The following RSU1 variants were observed in gnomAD, a reference collection of about 807,000 sequenced individuals.
RSU1 encodes Ras suppressor protein 1.
RSU1 carries 26 observed loss-of-function variants against 31.1 expected under a neutral mutation model. The observed-to-expected ratio is 0.84, with a 90% confidence interval of 0.61 to 1.16. The LOEUF is 1.16. RSU1 is among the 50% of genes most tolerant of loss of function. RSU1 has a pLI of 0.00. For missense variants in RSU1, 320 were observed against 339.1 expected, an observed-to-expected ratio of 0.94 and a Z score of 0.44; for synonymous variants, 164 against 136.3, an observed-to-expected ratio of 1.20 and a Z score of -1.41.
intron 7 of RSU1, among the ~76,000 whole-genome samples, chr10:16,712,194 T>C (rs1261304932): frequency 2.6e-5 from 4 of 152,182 alleles, no homozygotes; most frequent in African/African-American, 9.6e-5. Context: ...GTTTTTCCAT[T>C]CCTTCACTTT....
At chr10:16,781,907 A>C in intron 3 of RSU1, 127 bp downstream of exon 3, 1 of 772,844 alleles carries the variant, frequency 1.3e-6, no homozygotes, top group East Asian at 2.5e-5. Flanking sequence ...GTGTCACCAA[A>C]GTAAACTAAG....
intron 7 of RSU1, among the ~76,000 whole-genome samples, chr10:16,717,478 A>G (rs2131586010): frequency 6.6e-6 from 1 of 152,302 alleles, no homozygotes; most frequent in East Asian, 1.9e-4. Context: ...ACTTGTTCTC[A>G]GGTTTAACAA....
At chr10:16,803,010 G>A (rs1838188891) in intron 2 of RSU1, among the ~76,000 whole-genome samples, 1 of 152,140 alleles carries the variant, frequency 6.6e-6, no homozygotes, top group East Asian at 1.9e-4. Context: ...GCCAAAATCA[G>A]ATTGGACGTC....
intron 8 of RSU1, among the ~76,000 whole-genome samples, chr10:16,637,457 ATTT>A (rs200592205): frequency 7.1e-6 from 1 of 141,650 alleles, no homozygotes; most frequent in African/African-American, 2.6e-5. Flanking sequence ...TTTCCTAAGG[ATTT>A]TTTTTTTTTT....
Position 16,720,671 on chromosome 10 carries a change from CAT to C in RSU1, c.599-25518_599-25517del, listed in dbSNP as rs1230780828. 2.2e-3 allele frequency among the ~76,000 whole-genome samples: 329 copies of C among 152,364 alleles called. 7 individuals are homozygous for C. Among genetic ancestry groups the C allele is most frequent in the Non-Finnish European group, 4.7e-4 (32 of 68,028 alleles). On this transcript the variant is annotated intron_variant, in intron 7 of 8. Transcript: ENST00000345264. ...AAGGAATGCAACACCCTCTTTCACA[CAT>C]GTGGATGTCTTGTGTGTATGTGCAT...
At chr10:16,726,216 A>G (rs1015146576) in intron 7 of RSU1, among the ~76,000 whole-genome samples, 5 of 151,812 alleles carry the variant, frequency 3.3e-5, no homozygotes, top group South Asian at 4.2e-4. Flanking sequence ...TCATTTGTCA[A>G]TATAGTTACC....
intron 8 of RSU1, among the ~76,000 whole-genome samples, chr10:16,607,075 A>C (rs780806961): frequency 5.9e-5 from 9 of 152,164 alleles, no homozygotes; most frequent in Non-Finnish European, 1.3e-4. Flanking sequence ...GCGGTTTCTC[A>C]TGAATGGTTC....
intron 8 of RSU1, among the ~76,000 whole-genome samples, chr10:16,661,260 G>A (rs932700377): frequency 6.6e-6 from 1 of 150,762 alleles, no homozygotes; most frequent in African/African-American, 2.4e-5. Context: ...GCTTCCCTGA[G>A]AGTGTATGTG....
intron 1 of RSU1, 27 bp downstream of exon 1, chr10:16,817,288 C>A: frequency 1.7e-6 from 1 of 575,574 alleles, no homozygotes. Context: ...GAGAAGCAAC[C>A]CCAAGTGCAA....
At chr10:16,754,819 C>A in intron 5 of RSU1, 52 bp downstream of exon 5, 1 of 1,135,066 alleles carries the variant, frequency 8.8e-7, no homozygotes. Context: ...ATTTCCCTCT[C>A]AGAACGCAAA....
In RSU1 at chr10:16,594,739, A is replaced by G. The variant is rs184404080; in HGVS notation, c.732-1243T>C. On this transcript the variant is annotated intron_variant, in intron 8 of 8. Transcript: ENST00000345264. ...GATACATATAGATAATATATCATAT[A>G]TATCATATAAAATATACTATATTAT... Among the ~76,000 whole-genome samples the G allele has an allele frequency of 2.4e-3, 352 of 145,488 alleles. 3 individuals carry two copies. Among genetic ancestry groups the G allele is most frequent in the Non-Finnish European group, 2.6e-3 (172 of 65,814 alleles).
At chr10:16,762,643 A>C (rs1174062159) in intron 4 of RSU1, among the ~76,000 whole-genome samples, 1 of 152,186 alleles carries the variant, frequency 6.6e-6, no homozygotes, top group Admixed American at 6.5e-5. Context: ...AGTGAACTTC[A>C]AAATAATGTG....
intron 2 of RSU1, among the ~76,000 whole-genome samples, chr10:16,811,077 ATAAT>A (rs1838399128): frequency 2.0e-5 from 3 of 152,004 alleles, no homozygotes; most frequent in Middle Eastern, 3.4e-3. Context: ...CGAGATAACA[ATAAT>A]GTACTATATT....
chr10:16,648,966 T>C (rs988182950), intron 8 of RSU1, among the ~76,000 whole-genome samples: 3 of 152,152 alleles, frequency 2.0e-5, no homozygotes, highest in Non-Finnish European at 2.9e-5. Flanking sequence ...TGTGGTATAT[T>C]CACTTTCCTC....
intron 8 of RSU1, among the ~76,000 whole-genome samples, chr10:16,612,672 A>C (rs6602137): frequency 2.0e-5 from 3 of 152,198 alleles, no homozygotes; most frequent in Non-Finnish European, 4.4e-5. Flanking sequence ...CTCCAGCTAC[A>C]CTCTCTGTTA....
chr10:16,595,405 C>T (rs1419111152), intron 8 of RSU1, among the ~76,000 whole-genome samples: 4 of 152,162 alleles, frequency 2.6e-5, no homozygotes, highest in East Asian at 1.9e-4. Flanking sequence ...CAGGTTCCAT[C>T]GGCGGTCACT....
intron 8 of RSU1, among the ~76,000 whole-genome samples, chr10:16,676,954 A>G (rs904223961): frequency 1.3e-5 from 2 of 152,190 alleles, no homozygotes; most frequent in Non-Finnish European, 2.9e-5. Context: ...GGGACTAAGG[A>G]GCTGGCAGTA....
chr10:16,754,257 G>A (rs552392570), intron 5 of RSU1, among the ~76,000 whole-genome samples: 2 of 152,296 alleles, frequency 1.3e-5, no homozygotes, highest in East Asian at 3.9e-4. Flanking sequence ...AATAGTGCAT[G>A]AGTTCCCAGA....
intron 7 of RSU1, among the ~76,000 whole-genome samples, chr10:16,717,517 A>G (rs1836167761): frequency 6.6e-6 from 1 of 152,246 alleles, no homozygotes; most frequent in African/African-American, 2.4e-5. Flanking sequence ...AATGAAAAGA[A>G]AACCACAACT....
Sources: gnomAD v4.1 joint callset for allele counts (sites outside exome capture counted in the v4.1 genomes callset) on GRCh38, gnomAD v4.1.1 for gene constraint, MANE v1.5 for transcripts, NCBI Gene and HGNC (gene_info 2026-07-23, HGNC 2026-07-21) for gene names.